The following GALNTL6 variants were observed in gnomAD, a reference collection of about 807,000 sequenced individuals.
GALNTL6 encodes polypeptide N-acetylgalactosaminyltransferase like 6.
Under a neutral mutation model 73.7 loss-of-function variants are expected in GALNTL6, and 46 were observed. The ratio of observed to expected loss-of-function variants is 0.62; its 90% CI spans 0.49 to 0.80. GALNTL6 has a LOEUF of 0.80. GALNTL6 is among the 30% of genes least tolerant of loss of function. GALNTL6 has a pLI of 0.00. For missense variants in GALNTL6, 604 were observed against 755.0 expected (o/e 0.80, Z 2.34); for synonymous variants, 259 against 263.7 (o/e 0.98, Z 0.17).
At chr4:171,951,997 T>C (rs1738898859) in intron 2 of GALNTL6, among the ~76,000 whole-genome samples, 2 of 151,898 alleles carry the variant, frequency 1.3e-5, no homozygotes, top group African/African-American at 4.8e-5. Context: ...ATAATGAGTA[T>C]AAAGTCAGCA....
intron 2 of GALNTL6, among the ~76,000 whole-genome samples, chr4:171,872,942 A>G (rs570979838): frequency 5.3e-5 from 8 of 152,324 alleles, no homozygotes; most frequent in Non-Finnish European, 8.8e-5. Flanking sequence ...CATCCAGTAA[A>G]TGTCTATTAA....
chr4:172,210,791 T>A (rs1241044506), intron 2 of GALNTL6, among the ~76,000 whole-genome samples: 2 of 152,188 alleles, frequency 1.3e-5, no homozygotes, highest in East Asian at 3.8e-4. Context: ...GAGGGTGGAA[T>A]ATGTACATAA....
intron 3 of GALNTL6, among the ~76,000 whole-genome samples, chr4:172,275,357 A>G (rs1738791269): frequency 6.6e-6 from 1 of 152,186 alleles, no homozygotes; most frequent in Non-Finnish European, 1.5e-5. Context: ...CACATTGCAG[A>G]GTATTTGTTA....
At chr4:172,059,487 G>A (rs188144773) in intron 2 of GALNTL6, among the ~76,000 whole-genome samples, 3 of 152,250 alleles carry the variant, frequency 2.0e-5, no homozygotes, top group African/African-American at 4.8e-5. Flanking sequence ...AGAATCCTGT[G>A]ACTTGAAAGG....
chr4:171,991,486 G>A (rs994256159), intron 2 of GALNTL6, among the ~76,000 whole-genome samples: 1 of 151,634 alleles, frequency 6.6e-6, no homozygotes, highest in South Asian at 2.1e-4. Flanking sequence ...CTAAAAAACA[G>A]AAGAAGGAAT....
chr4:172,099,609 T>C (rs998175742), intron 2 of GALNTL6, among the ~76,000 whole-genome samples: 7 of 152,132 alleles, frequency 4.6e-5, no homozygotes, highest in African/African-American at 1.7e-4. Context: ...GATAAAAGGA[T>C]CCTTTGTGTT....
intron 7 of GALNTL6, among the ~76,000 whole-genome samples, chr4:172,836,312 C>T (rs1174066218): frequency 6.6e-6 from 1 of 152,200 alleles, no homozygotes; most frequent in Non-Finnish European, 1.5e-5. Flanking sequence ...GGAAAGAGCA[C>T]GATCTCACAA....
chr4:172,918,563 T>A (rs1271646131), intron 8 of GALNTL6, among the ~76,000 whole-genome samples: 1 of 152,140 alleles, frequency 6.6e-6, no homozygotes, highest in Non-Finnish European at 1.5e-5. Context: ...TTCACAGACC[T>A]GCATGTTATC....
rs932033432 is a variant in GALNTL6 at position 172,172,310 on chromosome 4, G to A, written c.139-57346G>A. On this transcript the variant is annotated intron_variant, in intron 2 of 12. Coordinates refer to ENST00000506823, the MANE Select transcript of GALNTL6 (RefSeq NM_001034845.3). ...CCTCCTGGGTTCCAGTGATTCTCCT[G>A]CCTCAGCCTCTCAGGTAGCTGGGAC... Among the ~76,000 whole-genome samples the A allele has an allele frequency of 2.6e-5, 4 of 152,032 alleles. 1 individual carries two copies. The South Asian group carries it at 8.3e-4, about 32-fold the overall frequency.
At chr4:172,053,182 A>T (rs1394855) in intron 2 of GALNTL6, among the ~76,000 whole-genome samples, 148,457 of 152,254 alleles carry the variant, frequency 0.98, 72,481 homozygotes, top group Middle Eastern at 1. Flanking sequence ...AATAAGAATC[A>T]GAATACCAAA....
At chr4:172,747,815 A>G in intron 5 of GALNTL6, among the ~76,000 whole-genome samples, 1 of 147,234 alleles carries the variant, frequency 6.8e-6, no homozygotes, top group South Asian at 2.3e-4. Context: ...TATATACACA[A>G]TGGAATTGTG....
chr4:171,822,298 G>A (rs997401640), intron 2 of GALNTL6, among the ~76,000 whole-genome samples: 1 of 152,116 alleles, frequency 6.6e-6, no homozygotes, highest in African/African-American at 2.4e-5. Context: ...CATTGTGCCT[G>A]TTCTTCTTAT....
chr4:172,662,429 G>A (rs779951130), intron 5 of GALNTL6, among the ~76,000 whole-genome samples: 74 of 152,318 alleles, frequency 4.9e-4, no homozygotes, highest in South Asian at 2.3e-3. Context: ...CTTCTGGTGG[G>A]ATTTTTAAGA....
intron 7 of GALNTL6, among the ~76,000 whole-genome samples, chr4:172,855,207 A>AAAG (rs1053819272): frequency 4.4e-4 from 67 of 151,536 alleles, no homozygotes; most frequent in African/African-American, 1.6e-3. Flanking sequence ...AAAAAAAAAA[A>AAAG]AAAAGAAACA....
chr4:173,020,437 A>T (rs978816773), intron 11 of GALNTL6, among the ~76,000 whole-genome samples: 13 of 152,192 alleles, frequency 8.5e-5, no homozygotes, highest in Non-Finnish European at 1.5e-5. Flanking sequence ...GAGTCAATTA[A>T]ACTCAGTAAA....
chr4:172,926,440 C>T (rs918292745), intron 8 of GALNTL6, among the ~76,000 whole-genome samples: 2 of 152,306 alleles, frequency 1.3e-5, no homozygotes, highest in Admixed American at 1.3e-4. Flanking sequence ...TCCTAAGATG[C>T]ATTTAGTTCA....
chr4:171,868,438 G>A (rs966787053), intron 2 of GALNTL6, among the ~76,000 whole-genome samples: 2 of 152,062 alleles, frequency 1.3e-5, no homozygotes, highest in East Asian at 1.9e-4. Flanking sequence ...TGTGGATGAC[G>A]GCAAAGTCGT....
chr4:172,528,964 T>TATATATA lies in GALNTL6; in HGVS notation c.553+180275_553+180276insATATATA. 6.7e-5 allele frequency among the ~76,000 whole-genome samples: 2 copies of TATATATA among 29,854 alleles called. 1 individual carries two copies. Among genetic ancestry groups the TATATATA allele is most frequent in the African/African-American group, 1.5e-4 (2 of 13,354 alleles). The allele number at this position is 29,854 out of a possible 152,430, so 19.6% of individuals were successfully genotyped here. The stretch of plus-strand genomic sequence containing the variant: ...GTTTTCCCAAAGGCATATATATATA[T>TATATATA]GTGTGTGTATATTTATACATATGTG... On this transcript the variant is annotated intron_variant, in intron 5 of 12. Transcript: ENST00000506823.
At chr4:172,004,829 C>T (rs1333433633) in intron 2 of GALNTL6, among the ~76,000 whole-genome samples, 1 of 151,358 alleles carries the variant, frequency 6.6e-6, no homozygotes, top group African/African-American at 2.4e-5. Flanking sequence ...TTCTAATCCC[C>T]CAATTTTTTT....
Sources: gnomAD v4.1 joint callset for allele counts (sites outside exome capture counted in the v4.1 genomes callset) on GRCh38, gnomAD v4.1.1 for gene constraint, MANE v1.5 for transcripts, NCBI Gene and HGNC (gene_info 2026-07-23, HGNC 2026-07-21) for gene names.